Variants in ZNRF3 observed in about 807,000 individuals in gnomAD.
ZNRF3 encodes the protein E3 ubiquitin-protein ligase ZNRF3.
A neutral mutation model predicts 72.5 loss-of-function variants in ZNRF3; 23 were observed. That is an observed-to-expected ratio of 0.32 (90% CI 0.23 to 0.45). The LOEUF (loss-of-function observed/expected upper bound fraction) is 0.45, where lower values mean the gene tolerates loss of function less well. ZNRF3 is among the 20% of genes least tolerant of loss of function. ZNRF3 has a pLI of 1.00. For synonymous variants in ZNRF3, 610 were observed against 545.3 expected, an observed-to-expected ratio of 1.12 and a Z score of -1.65; for missense variants, 1,169 against 1,272.1, an observed-to-expected ratio of 0.92 and a Z score of 1.23.
intron 1 of ZNRF3, among the ~76,000 whole-genome samples, chr22:28,912,520 A>G (rs1939414210): frequency 6.6e-6 from 1 of 152,100 alleles, no homozygotes; most frequent in South Asian, 2.1e-4. Context: ...CTGTAGCACA[A>G]ACACTCCAGG....
At chr22:29,038,244 C>T (rs916026460) in intron 2 of ZNRF3, among the ~76,000 whole-genome samples, 27 of 151,790 alleles carry the variant, frequency 1.8e-4, no homozygotes, top group Non-Finnish European at 3.1e-4. Flanking sequence ...GGTGAATGAT[C>T]TGTGAGAGTG....
chr22:28,921,060 C>T (rs1234927074), intron 1 of ZNRF3, among the ~76,000 whole-genome samples: 1 of 152,226 alleles, frequency 6.6e-6, no homozygotes, highest in Non-Finnish European at 1.5e-5. Flanking sequence ...TAGAAATGAC[C>T]AGTCAGAGGA....
intron 2 of ZNRF3, among the ~76,000 whole-genome samples, chr22:29,035,111 T>C (rs1417694077): frequency 6.6e-6 from 1 of 151,270 alleles, no homozygotes; most frequent in Non-Finnish European, 1.5e-5. Flanking sequence ...CCCAAAGTGC[T>C]GGGATTACAG....
chr22:29,049,165 C>G lies in ZNRF3; in HGVS notation c.1016-32C>G, dbSNP rs757790622. ...GCCTCTGACACCAGTATGCTCAGCC[C>G]TGCCTACTCTGTTTCCTCCACTTGT... On this transcript the variant is annotated intron_variant, in intron 7 of 8. Coordinates refer to ENST00000544604, the MANE Select transcript of ZNRF3 (RefSeq NM_001206998.2). This position sits in a 1 kb window ranked among gnomAD's most constrained non-coding sequence, Gnocchi z 5.2. The G allele has an allele frequency of 6.4e-7, 1 of 1,560,002 alleles. No homozygotes were observed. Among genetic ancestry groups the G allele is most frequent in the South Asian group, 1.2e-5 (1 of 81,952 alleles).
At chr22:28,969,944 G>T (rs1468995949) in intron 1 of ZNRF3, among the ~76,000 whole-genome samples, 2 of 152,154 alleles carry the variant, frequency 1.3e-5, no homozygotes, top group Admixed American at 1.3e-4. Context: ...TTGCTGAAGG[G>T]TTGGATGTGG....
intron 2 of ZNRF3, among the ~76,000 whole-genome samples, chr22:29,015,545 C>T (rs2036415895): frequency 6.6e-6 from 1 of 151,974 alleles, no homozygotes; most frequent in African/African-American, 2.4e-5. Context: ...TGGTGCACGC[C>T]TGTAGTCCCA....
chr22:29,011,985 C>T (rs1237006472), intron 2 of ZNRF3, among the ~76,000 whole-genome samples: 3 of 152,296 alleles, frequency 2.0e-5, no homozygotes, highest in Middle Eastern at 3.4e-3. Flanking sequence ...CCACCACAGC[C>T]GGGGGACCCT....
At chr22:28,915,674 T>G (rs2034394696) in intron 1 of ZNRF3, among the ~76,000 whole-genome samples, 1 of 152,264 alleles carries the variant, frequency 6.6e-6, no homozygotes, top group South Asian at 2.1e-4. Context: ...TACTTTGGAC[T>G]ACCCGTGATA....
chr22:28,909,833 T>A lies in ZNRF3; in HGVS notation c.300+25767T>A, dbSNP rs147644930. Among the ~76,000 whole-genome samples the A allele has an allele frequency of 3.7e-3, 551 of 148,752 alleles. 4 individuals are homozygous for A. The highest frequency in any genetic ancestry group is 0.012 in the African/African-American group (494 of 40,620). On this transcript the variant is annotated intron_variant, in intron 1 of 8. Transcript: ENST00000544604. ...GTTGCAAACTCCTGGGCTCAAGGGATCCATTCACCTCGGCCTTCCAAAGTG... is the reference window on the plus strand; with the variant it reads ...GTTGCAAACTCCTGGGCTCAAGGGAACCATTCACCTCGGCCTTCCAAAGTG...
intron 1 of ZNRF3, among the ~76,000 whole-genome samples, chr22:28,940,802 C>T (rs1285174165): frequency 6.6e-6 from 1 of 152,154 alleles, no homozygotes; most frequent in Non-Finnish European, 1.5e-5. Context: ...TTACTCTCCT[C>T]CGTAATTTAC....
rs2037281183 is a variant in ZNRF3, at chr22:29,055,373, T to A, written c.*1751T>A. On this transcript the variant is annotated 3_prime_UTR_variant, in exon 9 of 9. Transcript: ENST00000544604. ...AACTTGAGACCTGGCCCCCTGTGGG[T>A]AGGAGAACAAGGACCACCTGGGTTC... 1 of 152,176 alleles carries A rather than the reference T, an allele frequency of 6.6e-6. No individual in the cohort carries two copies. Among genetic ancestry groups the A allele is most frequent in the Non-Finnish European group, 1.5e-5 (1 of 68,026 alleles). The allele number at this position is 152,176 out of a possible 1,614,324, so 9.4% of individuals were successfully genotyped here.
intron 1 of ZNRF3, among the ~76,000 whole-genome samples, chr22:28,937,567 C>T (rs1158082494): frequency 3.3e-5 from 5 of 152,152 alleles, no homozygotes; most frequent in Non-Finnish European, 5.9e-5. Flanking sequence ...AAACTTGCAT[C>T]TATCAGAATC....
chr22:28,934,705 C>T (rs1190707912), intron 1 of ZNRF3, among the ~76,000 whole-genome samples: 1 of 151,226 alleles, frequency 6.6e-6, no homozygotes, highest in Non-Finnish European at 1.5e-5. Flanking sequence ...GTAGTCTGAG[C>T]TACTCCAGAG....
Position 28,934,970 on chromosome 22 carries a change from A to C in ZNRF3, c.300+50904A>C, listed in dbSNP as rs145616130. On this transcript the variant is annotated intron_variant, in intron 1 of 8. Coordinates refer to ENST00000544604, the MANE Select transcript of ZNRF3 (RefSeq NM_001206998.2). The stretch of plus-strand genomic sequence containing the variant: ...CACATGGTTTTGCATAAATGGGATT[A>C]TCCTATACACCTGTTACTTGACTTG... Among the ~76,000 whole-genome samples the C allele has an allele frequency of 3.2e-3, 486 of 151,938 alleles. 2 individuals carry two copies. The highest frequency in any genetic ancestry group is 4.8e-3 in the Non-Finnish European group (328 of 68,004).
chr22:28,996,563 T>C (rs998219005), intron 2 of ZNRF3, among the ~76,000 whole-genome samples: 3 of 152,122 alleles, frequency 2.0e-5, no homozygotes, highest in African/African-American at 7.2e-5. Flanking sequence ...CTTAGCTGGG[T>C]TAGAGAAACC....
intron 1 of ZNRF3, among the ~76,000 whole-genome samples, chr22:28,941,296 T>C (rs1232664710): frequency 6.6e-6 from 1 of 152,212 alleles, no homozygotes; most frequent in Non-Finnish European, 1.5e-5. Context: ...TTTATTGATT[T>C]GAATTCAGAG....
intron 1 of ZNRF3, among the ~76,000 whole-genome samples, chr22:28,893,355 C>A (rs961874374): frequency 9.9e-5 from 15 of 152,190 alleles, no homozygotes; most frequent in Admixed American, 9.8e-4. Flanking sequence ...AGAGAAGAAA[C>A]ATCGGTTTTA....
chr22:28,975,604 G>A (rs1569267557), intron 1 of ZNRF3, among the ~76,000 whole-genome samples: 1 of 152,046 alleles, frequency 6.6e-6, no homozygotes, highest in African/African-American at 2.4e-5. Flanking sequence ...AGACATGGTG[G>A]CGGGCGCCTG....
intron 1 of ZNRF3, among the ~76,000 whole-genome samples, chr22:28,933,718 A>ACC (rs2034758383): frequency 1.9e-4 from 3 of 16,042 alleles, no homozygotes; most frequent in African/African-American, 7.2e-4. Flanking sequence ...CCCCACCCCC[A>ACC]CCCCACCCCC....
Sources: gnomAD v4.1 joint callset for allele counts (sites outside exome capture counted in the v4.1 genomes callset) on GRCh38, gnomAD v4.1.1 for gene constraint, Gnocchi (gnomAD v3.1) non-coding constraint, MANE v1.5 for transcripts, NCBI Gene and HGNC (gene_info 2026-07-23, HGNC 2026-07-21) for gene names.